The following SHC4 variants were observed in gnomAD, a reference collection of about 807,000 sequenced individuals.
The protein encoded by SHC4 is SHC adaptor protein 4.
SHC4 carries 41 observed loss-of-function variants against 69.4 expected under a neutral mutation model. The ratio of observed to expected loss-of-function variants is 0.59; its 90% CI spans 0.46 to 0.77. SHC4 has a LOEUF of 0.77. SHC4 is among the 30% of genes least tolerant of loss of function. The pLI is 0.00. For synonymous variants in SHC4, 318 were observed against 299.3 expected (o/e 1.06, Z -0.64); for missense variants, 777 against 783.8 (o/e 0.99, Z 0.10).
intron 11 of SHC4, among the ~76,000 whole-genome samples, chr15:48,830,145 T>C (rs577118097): frequency 3.3e-5 from 5 of 152,340 alleles, no homozygotes; most frequent in African/African-American, 1.2e-4. Context: ...CCTTTGTGTT[T>C]CATTAATTTT....
intron 11 of SHC4, among the ~76,000 whole-genome samples, chr15:48,829,520 T>C (rs1168674505): frequency 2.0e-5 from 3 of 152,246 alleles, no homozygotes; most frequent in African/African-American, 7.2e-5. Context: ...TTAAAGTTTA[T>C]TTTGTCCGAT....
chr15:48,902,499 C>G (rs1347655234), intron 2 of SHC4, among the ~76,000 whole-genome samples: 1 of 152,020 alleles, frequency 6.6e-6, no homozygotes, highest in African/African-American at 2.4e-5. Context: ...CCCTTGTCTC[C>G]CTATATAAAT....
At position 48,956,037 on chromosome 15, in the gene SHC4, A is replaced by G. The variant is rs150100406; in HGVS notation, c.585+6394T>C. Among the ~76,000 whole-genome samples, 12 of 152,314 alleles carry G rather than the reference A, an allele frequency of 7.9e-5. 1 individual carries two copies. In the East Asian group the frequency reaches 2.3e-3, roughly 29 times the overall value. Reference sequence around the variant, plus strand: ...GAAAGGACTGGACCAATCAAGGGATATGTGAAGGTCTAGAGAGAAGAACAG... The same window carrying G: ...GAAAGGACTGGACCAATCAAGGGATGTGTGAAGGTCTAGAGAGAAGAACAG... On this transcript the variant is annotated intron_variant, in intron 1 of 11. Transcript: ENST00000332408.
intron 1 of SHC4, chr15:48,938,355 G>T (rs1290696533): frequency 6.6e-6 from 1 of 152,220 alleles, no homozygotes; most frequent in Non-Finnish European, 1.5e-5. Flanking sequence ...TTTAACTGGA[G>T]ACCTATGGTT....
At chr15:48,843,326 A>T in intron 10 of SHC4, 83 bp downstream of exon 10, 1 of 1,394,596 alleles carries the variant, frequency 7.2e-7, no homozygotes, top group Non-Finnish European at 9.8e-7. Context: ...GGCCTCCAGA[A>T]CTGTGAAAGA....
intron 9 of SHC4, among the ~76,000 whole-genome samples, chr15:48,849,662 C>G (rs1185219196): frequency 6.6e-6 from 1 of 152,120 alleles, no homozygotes; most frequent in Non-Finnish European, 1.5e-5. Context: ...GGTTGCAATA[C>G]CACAAGGCAT....
Position 48,855,995 on chromosome 15 carries a change from T to C in SHC4, c.1200A>G (p.Gln400=), listed in dbSNP as rs16961728. The C allele has an allele frequency of 6.2e-7, 1 of 1,613,838 alleles. No homozygotes were observed. The highest frequency in any genetic ancestry group is 1.1e-5 in the South Asian group (1 of 91,036). Residue 400 remains glutamine (Q), a synonymous_variant, in exon 8 of 12, where the codon CAA becomes CAG. Coordinates refer to ENST00000332408, the MANE Select transcript of SHC4 (RefSeq NM_203349.4). ...CACACTGTATGGGGCAGTAAGCCAT[T>C]TGTTCCGTGGCTTGAACTTTGATCC... ...DMRIKVQATE[Q]MAYCPIQCEK...
intron 5 of SHC4, among the ~76,000 whole-genome samples, chr15:48,870,252 G>C (rs1461195245): frequency 1.3e-5 from 2 of 152,194 alleles, no homozygotes; most frequent in Non-Finnish European, 2.9e-5. Context: ...CTCCCTGCCA[G>C]CCACCATCCT....
intron 8 of SHC4, among the ~76,000 whole-genome samples, chr15:48,855,431 T>C (rs1295668162): frequency 2.6e-5 from 4 of 152,096 alleles, no homozygotes; most frequent in African/African-American, 9.7e-5. Context: ...GGGACAATGC[T>C]TTCTAGAAGT....
chr15:48,947,544 T>C (rs1456967995), intron 1 of SHC4, among the ~76,000 whole-genome samples: 1 of 152,224 alleles, frequency 6.6e-6, no homozygotes, highest in African/African-American at 2.4e-5. Context: ...TCCTTTTTTC[T>C]TGTCCTGACT....
At chr15:48,880,319 T>C (rs1241380121) in intron 4 of SHC4, 41 of 164,362 alleles carry the variant, frequency 2.5e-4, no homozygotes. Flanking sequence ...AGTAAAATGT[T>C]GGTGCTTAGA....
chr15:48,876,442 CATAT>C, intron 4 of SHC4: 1 of 320,034 alleles, frequency 3.1e-6, no homozygotes, highest in South Asian at 2.0e-4. Flanking sequence ...GGAATATATA[CATAT>C]ATATATACAC....
At chr15:48,961,076 C>T (rs1901538512) in intron 1 of SHC4, among the ~76,000 whole-genome samples, 1 of 152,124 alleles carries the variant, frequency 6.6e-6, no homozygotes, top group African/African-American at 2.4e-5. Context: ...GAATGCCTTA[C>T]CATTCACCTC....
rs559137490 is a variant in SHC4 at position 48,854,219 on chromosome 15, G to A, written c.1242+1734C>T. On this transcript the variant is annotated intron_variant, in intron 8 of 11. Transcript: ENST00000332408. ...GCAGCCAACAAACATATGAAAAGAT[G>A]CTCAACATCACTAATCATCAGAGAA... Among the ~76,000 whole-genome samples, 14 of 152,256 alleles carry A rather than the reference G, an allele frequency of 9.2e-5. 1 individual carries two copies. In the South Asian group the frequency reaches 2.7e-3, roughly 29 times the overall value.
chr15:48,839,372 A>C (rs1374580230), intron 10 of SHC4, among the ~76,000 whole-genome samples: 1 of 152,232 alleles, frequency 6.6e-6, no homozygotes, highest in Non-Finnish European at 1.5e-5. Context: ...ATAGCCTGTA[A>C]AAGTGGCGAA....
chr15:48,870,803 C>T (rs1337295482), intron 5 of SHC4, among the ~76,000 whole-genome samples: 1 of 152,150 alleles, frequency 6.6e-6, no homozygotes, highest in African/African-American at 2.4e-5. Flanking sequence ...ATATTTTATA[C>T]ACAGGTAAGT....
intron 6 of SHC4, among the ~76,000 whole-genome samples, chr15:48,864,712 G>A (rs1220726851): frequency 6.6e-6 from 1 of 152,092 alleles, no homozygotes; most frequent in African/African-American, 2.4e-5. Flanking sequence ...CTCCCACAGT[G>A]CTGGGATTAC....
intron 9 of SHC4, among the ~76,000 whole-genome samples, chr15:48,847,517 T>C (rs1157441142): frequency 6.6e-6 from 1 of 152,212 alleles, no homozygotes; most frequent in African/African-American, 2.4e-5. Context: ...TATAATACAC[T>C]GGAATTCAAG....
chr15:48,962,692 G>A lies in SHC4; in HGVS notation c.324C>T (p.Cys108=). ...PATLLSLKNF[C]LGTKEVPRLK... The stretch of plus-strand genomic sequence containing the variant: ...GCCGAGGCACCTCTTTGGTACCCAG[G>A]CAAAAGTTTTTCAGACTCAGCAAAG... Residue 108 remains cysteine (C), a synonymous_variant, in exon 1 of 12, where the codon TGC becomes TGT. Transcript: ENST00000332408. 6.2e-7 allele frequency: 1 copy of A among 1,614,150 alleles called. No homozygotes were observed. Among genetic ancestry groups the A allele is most frequent in the Non-Finnish European group, 8.5e-7 (1 of 1,180,046 alleles).
Sources: allele counts gnomAD v4.1 joint callset (sites outside exome capture counted in the v4.1 genomes callset), GRCh38; gene constraint gnomAD v4.1.1; transcripts MANE v1.5; gene names NCBI Gene and HGNC (gene_info 2026-07-23, HGNC 2026-07-21).